The following OSBPL10 variants were observed in gnomAD, a reference collection of about 807,000 sequenced individuals.
OSBPL10 encodes the protein oxysterol binding protein like 10, also known as oxysterol-binding protein-related protein 10.
OSBPL10 carries 49 observed loss-of-function variants against 81.7 expected under a neutral mutation model. That is an observed-to-expected ratio of 0.60 (90% CI 0.48 to 0.76). The LOEUF (loss-of-function observed/expected upper bound fraction) is 0.76. Ranked by LOEUF, OSBPL10 falls within the 30% of genes least tolerant of loss-of-function variation. The pLI is 0.00. For missense variants in OSBPL10, 923 were observed against 987.8 expected (o/e 0.93, Z 0.88); for synonymous variants, 419 against 383.6 (o/e 1.09, Z -1.08).
chr3:32,026,088 TAGATGATA>T (rs200715502), intron 2 of OSBPL10, among the ~76,000 whole-genome samples: 603 of 114,376 alleles, frequency 5.3e-3, no homozygotes, highest in Middle Eastern at 0.017. Context: ...GATAGATAGA[TAGATGATA>T]GATAGATAGA....
intron 6 of OSBPL10, among the ~76,000 whole-genome samples, chr3:31,720,498 T>G (rs1485119033): frequency 1.3e-5 from 2 of 152,218 alleles, no homozygotes; most frequent in Admixed American, 1.3e-4. Context: ...ATAGAACAAC[T>G]TGCTTAATTT....
intron 1 of OSBPL10, among the ~76,000 whole-genome samples, chr3:31,921,650 C>T (rs1696918968): frequency 6.6e-6 from 1 of 152,156 alleles, no homozygotes; most frequent in African/African-American, 2.4e-5. Flanking sequence ...ACAAATCTCC[C>T]AGGCATCAGA....
At position 31,823,844 on chromosome 3, in the gene OSBPL10, A is replaced by ATGTGTG. The variant is rs10588069; in HGVS notation, c.729+6190_729+6195dup. Among the ~76,000 whole-genome samples, 1,354 of 148,406 alleles carry ATGTGTG rather than the reference A, an allele frequency of 9.1e-3. 11 individuals carry two copies. The highest frequency in any genetic ancestry group is 0.017 in the African/African-American group (700 of 40,302). On this transcript the variant is annotated intron_variant, in intron 4 of 11. Coordinates refer to ENST00000396556, the MANE Select transcript of OSBPL10 (RefSeq NM_017784.5). ...TTTTTAATTTAATTTGTATGTGTGT[A>ATGTGTG]TGTGTGTGTGTGTGTGTGTGTGTGT...
chr3:31,810,211 T>C (rs907264349), intron 4 of OSBPL10, among the ~76,000 whole-genome samples: 6 of 152,118 alleles, frequency 3.9e-5, no homozygotes, highest in Admixed American at 1.3e-4. Flanking sequence ...TTAAAAAAAG[T>C]CAAAACAGTA....
chr3:32,010,168 C>G (rs1376606), intron 2 of OSBPL10, among the ~76,000 whole-genome samples: 23,435 of 150,796 alleles, frequency 0.16, 2,601 homozygotes, highest in East Asian at 0.32. Flanking sequence ...GGAAGAGAGA[C>G]AGAAATGCAG....
chr3:31,979,996 AT>A (rs1421258140), intron 1 of OSBPL10, among the ~76,000 whole-genome samples: 153 of 150,482 alleles, frequency 1.0e-3, no homozygotes, highest in Middle Eastern at 6.8e-3. Flanking sequence ...ATTTTATTTT[AT>A]TTTATTTTAT....
intron 2 of OSBPL10, among the ~76,000 whole-genome samples, chr3:32,019,458 G>T (rs1006333000): frequency 2.0e-5 from 3 of 152,198 alleles, no homozygotes; most frequent in African/African-American, 7.2e-5. Flanking sequence ...AAGTCTTATG[G>T]CTGAATGGGA....
At chr3:31,916,338 A>C (rs150275469) in intron 1 of OSBPL10, among the ~76,000 whole-genome samples, 19 of 152,286 alleles carry the variant, frequency 1.2e-4, no homozygotes, top group African/African-American at 4.6e-4. Flanking sequence ...TTCTAAAGTC[A>C]CGTAAAATGT....
chr3:31,915,931 T>TA (rs1028929537), intron 1 of OSBPL10, among the ~76,000 whole-genome samples: 6 of 151,248 alleles, frequency 4.0e-5, no homozygotes, highest in African/African-American at 1.5e-4. Context: ...CCGTCTCTAC[T>TA]AAAAAATATA....
At chr3:31,671,118 G>A in intron 8 of OSBPL10, 135 bp from the exon 9 acceptor site, 1 of 827,826 alleles carries the variant, frequency 1.2e-6, no homozygotes, top group Non-Finnish European at 1.8e-6. Context: ...GAGGTGAGCT[G>A]CTCGTTCACT....
At chr3:31,709,328 G>C (rs1349393684) in intron 6 of OSBPL10, 1 of 152,224 alleles carries the variant, frequency 6.6e-6, no homozygotes, top group East Asian at 1.9e-4. Flanking sequence ...CCTGAGCAAA[G>C]GGGCCGACCT....
chr3:31,699,351 G>A (rs149984846), intron 7 of OSBPL10, among the ~76,000 whole-genome samples: 49 of 152,304 alleles, frequency 3.2e-4, no homozygotes, highest in African/African-American at 9.6e-4. Flanking sequence ...TCACCAGCAT[G>A]CACAACACGC....
At chr3:31,763,020 T>C (rs1261663768) in intron 4 of OSBPL10, among the ~76,000 whole-genome samples, 1 of 152,098 alleles carries the variant, frequency 6.6e-6, no homozygotes, top group Non-Finnish European at 1.5e-5. Context: ...GGGAGCAAGC[T>C]GGCCTATCCA....
chr3:31,738,390 GA>G (rs58044645), intron 5 of OSBPL10, among the ~76,000 whole-genome samples: 26,942 of 141,132 alleles, frequency 0.19, 4,694 homozygotes, highest in African/African-American at 0.47. Flanking sequence ...TGCCTTAAAG[GA>G]AAAAAAAAAA....
At chr3:31,769,971 C>T (rs1474138098) in intron 4 of OSBPL10, among the ~76,000 whole-genome samples, 1 of 152,106 alleles carries the variant, frequency 6.6e-6, no homozygotes, top group African/African-American at 2.4e-5. Context: ...TGGGAATATC[C>T]ACAAAATATA....
chr3:31,852,077 G>A (rs977086544), intron 3 of OSBPL10, among the ~76,000 whole-genome samples: 2 of 152,168 alleles, frequency 1.3e-5, no homozygotes, highest in East Asian at 1.9e-4. Flanking sequence ...GTGAAGAACT[G>A]AACATATGGG....
intron 3 of OSBPL10, among the ~76,000 whole-genome samples, chr3:31,833,922 G>T (rs1700312028): frequency 6.6e-6 from 1 of 152,058 alleles, no homozygotes; most frequent in African/African-American, 2.4e-5. Flanking sequence ...TTACTTAATG[G>T]CTGTCATTTG....
At chr3:31,818,021 G>C (rs1318401992) in intron 4 of OSBPL10, among the ~76,000 whole-genome samples, 1 of 152,144 alleles carries the variant, frequency 6.6e-6, no homozygotes, top group Non-Finnish European at 1.5e-5. Context: ...TAGGAGGATG[G>C]CTTGAGCCTG....
intron 2 of OSBPL10, among the ~76,000 whole-genome samples, chr3:31,878,449 C>A (rs1395198151): frequency 6.9e-6 from 1 of 144,022 alleles, no homozygotes; most frequent in African/African-American, 2.5e-5. Context: ...TATCACATTC[C>A]TGAAAGTTTT....
Sources: gnomAD v4.1 joint callset for allele counts (sites outside exome capture counted in the v4.1 genomes callset) on GRCh38, gnomAD v4.1.1 for gene constraint, MANE v1.5 for transcripts, NCBI Gene and HGNC (gene_info 2026-07-23, HGNC 2026-07-21) for gene names.